Variants in SPAG17 observed in about 807,000 individuals in gnomAD.
The protein encoded by SPAG17 is sperm associated antigen 17, also known as sperm-associated antigen 17.
Under a neutral mutation model 273.6 loss-of-function variants are expected in SPAG17, and 169 were observed. The observed-to-expected ratio is 0.62, with a 90% CI of 0.55 to 0.70. The LOEUF (loss-of-function observed/expected upper bound fraction) is 0.70, where lower values mean the gene tolerates loss of function less well. SPAG17 is among the 30% of genes least tolerant of loss of function. The pLI is 0.00. For synonymous variants in SPAG17, 825 were observed against 873.2 expected (o/e 0.94, Z 0.97); for missense variants, 2,557 against 2,627.8 (o/e 0.97, Z 0.59).
intron 47 of SPAG17, chr1:117,964,179 C>A: frequency 3.4e-6 from 1 of 298,498 alleles, no homozygotes; most frequent in Admixed American, 4.3e-5. Flanking sequence ...GACTGGCTTT[C>A]TATAAGGAGC....
In SPAG17 at chr1:117,990,898, A is replaced by G; in HGVS notation, c.5484T>C (p.Pro1828=). 1 of 1,564,560 alleles carries G rather than the reference A, an allele frequency of 6.4e-7. No homozygotes were observed. The change falls in exon 38 of 49, where the codon CCT becomes CCC. Residue 1828 remains proline (P), a synonymous_variant. Coordinates refer to ENST00000336338, the MANE Select transcript of SPAG17 (RefSeq NM_206996.4). ...GACTTTTTGTAGTTTCCTCCATTTT[A>G]GGGAAAGACTGAAATGAAGATAGAA... is the stretch of plus-strand genomic sequence containing the variant. ...ADLLKLVMSF[P]KMEETTKSHV...
chr1:118,123,803 A>G (rs536256388), intron 3 of SPAG17, among the ~76,000 whole-genome samples: 7 of 152,340 alleles, frequency 4.6e-5, no homozygotes, highest in African/African-American at 1.7e-4. Flanking sequence ...TGGTAACATA[A>G]TAACATTTGA....
At position 117,955,740 on chromosome 1, in the gene SPAG17, A is replaced by G. The variant is rs181720166; in HGVS notation, c.*1-1691T>C. ...GTTCTTTTTCACATATTTCCTGAAC[A>G]TTTGTTTGTTGTTCATATTCTTCAA... On this transcript the variant is annotated intron_variant, in intron 48 of 48. Coordinates refer to ENST00000336338, the MANE Select transcript of SPAG17 (RefSeq NM_206996.4). Among the ~76,000 whole-genome samples, 24 of 151,416 alleles carry G rather than the reference A, an allele frequency of 1.6e-4. 1 individual carries two copies. In the East Asian group the frequency reaches 4.1e-3, roughly 26 times the overall value.
rs774170745 is a variant in SPAG17, at chr1:118,041,800, T to C, written c.3054+3A>G. The C allele has an allele frequency of 1.2e-6, 2 of 1,606,346 alleles. No homozygotes were observed. Among genetic ancestry groups the C allele is most frequent in the Admixed American group, 3.4e-5 (2 of 58,140 alleles). The stretch of plus-strand genomic sequence containing the variant: ...GACTAAGTTTTACAGAATTGGAGTT[T>C]ACCGGGTAAGTTATCTTAGGTTCTG... On this transcript the variant is annotated splice_donor_region_variant and intron_variant, in intron 21 of 48. Transcript: ENST00000336338.
Position 118,008,045 on chromosome 1 carries a change from T to C in SPAG17, c.4586A>G (p.Gln1529Arg). 3 of 1,613,994 alleles carry C rather than the reference T, an allele frequency of 1.9e-6. No individual in the cohort carries two copies. The highest frequency in any genetic ancestry group is 2.2e-5 in the East Asian group (1 of 44,874). Residue 1529 changes from glutamine to arginine, a missense_variant and splice_region_variant, in exon 31 of 49, where the codon CAG (glutamine) becomes CGG (arginine). Transcript: ENST00000336338. ...TIIAKPQGTY[Q>R]VLPPNTGSLY... ...TTCTCATTTTCCTCGTAGACCTACC[T>C]GGTATGTTCCCTGTGGCTTTGCAAT...
chr1:118,127,488 T>C (rs1657803241), intron 3 of SPAG17, among the ~76,000 whole-genome samples: 1 of 152,180 alleles, frequency 6.6e-6, no homozygotes, highest in Non-Finnish European at 1.5e-5. Context: ...AAGAGCTCAC[T>C]TATCTCTAAG....
At chr1:118,028,203 A>G (rs987255761) in intron 26 of SPAG17, 71 bp downstream of exon 26, 2 of 1,527,416 alleles carry the variant, frequency 1.3e-6, no homozygotes, top group African/African-American at 1.4e-5. Flanking sequence ...TGGCATGAAA[A>G]TACACAATTT....
At chr1:117,978,869 CTTTTTT>C (rs370678516) in intron 43 of SPAG17, among the ~76,000 whole-genome samples, 1 of 140,054 alleles carries the variant, frequency 7.1e-6, no homozygotes. Context: ...TCTTCCTCTT[CTTTTTT>C]TTTTTTTTTG....
intron 32 of SPAG17, among the ~76,000 whole-genome samples, chr1:118,002,503 G>T (rs185304770): frequency 2.0e-5 from 3 of 152,252 alleles, no homozygotes; most frequent in East Asian, 3.9e-4. Flanking sequence ...GAATCTGGGT[G>T]CTCCTGTATT....
At chr1:118,127,716 A>G (rs1308101888) in intron 3 of SPAG17, among the ~76,000 whole-genome samples, 1 of 152,234 alleles carries the variant, frequency 6.6e-6, no homozygotes, top group African/African-American at 2.4e-5. Flanking sequence ...GACAAGATTC[A>G]TTCTTCCAAT....
At chr1:118,074,736 T>C in intron 15 of SPAG17, 136 bp from the exon 16 acceptor site, 1 of 744,944 alleles carries the variant, frequency 1.3e-6, no homozygotes, top group Non-Finnish European at 2.2e-6. Context: ...GCATGTTTTG[T>C]GCCTCCAGAA....
At chr1:117,971,829 T>A (rs1654595933) in intron 45 of SPAG17, 34 bp downstream of exon 45, 1 of 1,570,198 alleles carries the variant, frequency 6.4e-7, no homozygotes, top group Non-Finnish European at 8.6e-7. Context: ...TAGGGAAAGG[T>A]AACCTGAGCA....
intron 18 of SPAG17, among the ~76,000 whole-genome samples, chr1:118,056,843 A>G (rs748213014): frequency 6.6e-6 from 1 of 152,178 alleles, no homozygotes; most frequent in Non-Finnish European, 1.5e-5. Context: ...CATGTCCCCA[A>G]ATGAACTCTG....
rs2102379002 is a variant in SPAG17, at chr1:118,164,627, C to T, written c.88-13258G>A. ...CTATAGGGTCTGTTTAAGCTTCCAG[C>T]TACTCTCATCTCCAATCTATTAGTT... On this transcript the variant is annotated intron_variant, in intron 1 of 48. Transcript: ENST00000336338. Among the ~76,000 whole-genome samples, 3 of 152,302 alleles carry T rather than the reference C, an allele frequency of 2.0e-5. No individual in the cohort carries two copies. In the East Asian group the frequency reaches 5.8e-4, roughly 29 times the overall value.
chr1:118,044,737 C>A (rs1416859562), intron 20 of SPAG17, among the ~76,000 whole-genome samples: 1 of 151,996 alleles, frequency 6.6e-6, no homozygotes, highest in African/African-American at 2.4e-5. Context: ...TGAGTGAGTT[C>A]TCAGGAGATC....
intron 15 of SPAG17, among the ~76,000 whole-genome samples, chr1:118,080,267 A>C (rs990372682): frequency 6.6e-6 from 1 of 152,164 alleles, no homozygotes; most frequent in East Asian, 1.9e-4. Context: ...GGACACATCC[A>C]ATAAGACTTC....
intron 3 of SPAG17, among the ~76,000 whole-genome samples, chr1:118,144,215 G>C (rs927110234): frequency 6.6e-6 from 1 of 152,184 alleles, no homozygotes; most frequent in African/African-American, 2.4e-5. Context: ...CATTCCTAAA[G>C]CAATGGAGCC....
intron 18 of SPAG17, among the ~76,000 whole-genome samples, chr1:118,062,857 A>C (rs899898633): frequency 4.6e-5 from 7 of 152,212 alleles, no homozygotes; most frequent in African/African-American, 1.2e-4. Flanking sequence ...ACAACAGAGC[A>C]AGTATTAATG....
At chr1:118,110,140 T>C (rs1656672713) in intron 4 of SPAG17, among the ~76,000 whole-genome samples, 1 of 152,208 alleles carries the variant, frequency 6.6e-6, no homozygotes, top group Non-Finnish European at 1.5e-5. Flanking sequence ...TACTGCAAAG[T>C]ACATGGTTTA....
Sources: allele counts gnomAD v4.1 joint callset (sites outside exome capture counted in the v4.1 genomes callset), GRCh38; gene constraint gnomAD v4.1.1; transcripts MANE v1.5; gene names NCBI Gene and HGNC (gene_info 2026-07-23, HGNC 2026-07-21).